ELP4: variants seen among roughly 807,000 people sequenced by gnomAD.
ELP4 encodes the protein elongator complex protein 4.
In ELP4, 51 loss-of-function variants were observed where a neutral mutation model predicts 48.9. The ratio of observed to expected loss-of-function variants is 1.04; its 90% confidence interval spans 0.83 to 1.32. The LOEUF (loss-of-function observed/expected upper bound fraction) is 1.32, where lower values mean the gene tolerates loss of function less well. Ranked by LOEUF, ELP4 falls within the 40% of genes most tolerant of loss-of-function variation. The probability of loss-of-function intolerance (pLI) is 0.00; values close to 1 mark genes in which losing one functional copy is unlikely to be tolerated. For synonymous variants in ELP4, 210 were observed against 189.2 expected, an observed-to-expected ratio of 1.11 and a Z score of -0.90; for missense variants, 519 against 514.6, an observed-to-expected ratio of 1.01 and a Z score of -0.08.
At chr11:31,680,096 A>G (rs931292175) in intron 9 of ELP4, among the ~76,000 whole-genome samples, 1 of 152,076 alleles carries the variant, frequency 6.6e-6, no homozygotes, top group African/African-American at 2.4e-5. Context: ...ACAATCATAG[A>G]GGGCAGTGGT....
chr11:31,773,838 A>AT (rs1184095971), intron 9 of ELP4, among the ~76,000 whole-genome samples: 2 of 152,192 alleles, frequency 1.3e-5, no homozygotes, highest in African/African-American at 4.8e-5. Context: ...TTCCTGATGG[A>AT]TGCTGAGCAC....
intron 5 of ELP4, among the ~76,000 whole-genome samples, chr11:31,618,121 A>G (rs1188553096): frequency 2.0e-5 from 3 of 152,122 alleles, no homozygotes; most frequent in African/African-American, 4.8e-5. Context: ...TGTTATATCC[A>G]TACAATGTAA....
chr11:31,686,497 C>T (rs1408453399), intron 9 of ELP4, among the ~76,000 whole-genome samples: 1 of 152,078 alleles, frequency 6.6e-6, no homozygotes, highest in East Asian at 1.9e-4. Flanking sequence ...ATGTGATTTC[C>T]AGCTCACAAT....
At chr11:31,734,985 A>C (rs1947275343) in intron 9 of ELP4, among the ~76,000 whole-genome samples, 1 of 152,240 alleles carries the variant, frequency 6.6e-6, no homozygotes, top group Non-Finnish European at 1.5e-5. Context: ...TAATCAAAAC[A>C]GTATAATACT....
intron 9 of ELP4, among the ~76,000 whole-genome samples, chr11:31,748,714 T>A (rs1336632285): frequency 3.3e-5 from 5 of 151,970 alleles, no homozygotes; most frequent in Non-Finnish European, 2.9e-5. Flanking sequence ...GAAACAAAAT[T>A]GTGCAGAGGC....
At chr11:31,662,646 A>T (rs1945587873) in intron 9 of ELP4, 2 of 397,740 alleles carry the variant, frequency 5.0e-6, no homozygotes, top group African/African-American at 4.1e-5. Context: ...TACTTTAAAG[A>T]AAATTTACTG....
chr11:31,632,488 A>G, intron 7 of ELP4, 83 bp downstream of exon 7: 1 of 1,117,984 alleles, frequency 8.9e-7, no homozygotes, highest in Non-Finnish European at 1.2e-6. Context: ...TTCCATGATA[A>G]CTAATGATGT....
chr11:31,770,610 C>G (rs1948121320), intron 9 of ELP4, among the ~76,000 whole-genome samples: 1 of 150,130 alleles, frequency 6.7e-6, no homozygotes, highest in South Asian at 2.1e-4. Flanking sequence ...ATACTGCTTT[C>G]AGTTTGCATA....
At chr11:31,707,109 G>T (rs867174605) in intron 9 of ELP4, 10 of 397,460 alleles carry the variant, frequency 2.5e-5, no homozygotes, top group Middle Eastern at 6.3e-4. Context: ...TAGTGGGATT[G>T]CTGGATCATA....
chr11:31,608,701 A>G (rs866147672), intron 5 of ELP4, among the ~76,000 whole-genome samples: 2 of 152,086 alleles, frequency 1.3e-5, no homozygotes, highest in African/African-American at 4.8e-5. Flanking sequence ...GTTTCGGCCT[A>G]CGATGGGAGT....
chr11:31,720,569 A>C (rs1946939837), intron 9 of ELP4, among the ~76,000 whole-genome samples: 1 of 152,178 alleles, frequency 6.6e-6, no homozygotes, highest in Non-Finnish European at 1.5e-5. Flanking sequence ...GGTAAGGCAT[A>C]GTAAAACTTT....
chr11:31,652,809 T>C (rs529734414), intron 9 of ELP4: 6 of 151,824 alleles, frequency 4.0e-5, no homozygotes, highest in African/African-American at 1.4e-4. Context: ...CACAGGCAGA[T>C]TTGTTACATG....
chr11:31,577,937 C>T (rs544070904), intron 3 of ELP4, among the ~76,000 whole-genome samples: 1 of 152,300 alleles, frequency 6.6e-6, no homozygotes, highest in African/African-American at 2.4e-5. Context: ...GTTGGAAGTT[C>T]TGGCCAGGGC....
intron 3 of ELP4, among the ~76,000 whole-genome samples, chr11:31,548,348 A>G (rs1489927603): frequency 6.6e-6 from 1 of 151,558 alleles, no homozygotes; most frequent in African/African-American, 2.4e-5. Flanking sequence ...ATAACAGACA[A>G]ACAGAGAGCC....
intron 9 of ELP4, among the ~76,000 whole-genome samples, chr11:31,741,296 C>G (rs1947442503): frequency 6.6e-6 from 1 of 152,220 alleles, no homozygotes; most frequent in South Asian, 2.1e-4. Flanking sequence ...GCCTGCCTGC[C>G]TCTGTAGGCT....
At chr11:31,726,923 G>A (rs1209195348) in intron 9 of ELP4, among the ~76,000 whole-genome samples, 2 of 152,152 alleles carry the variant, frequency 1.3e-5, no homozygotes, top group Admixed American at 6.6e-5. Flanking sequence ...CTGTTTCTGA[G>A]TAGGAAATAG....
chr11:31,643,436 T>A (rs1945140022), intron 7 of ELP4, among the ~76,000 whole-genome samples: 1 of 151,886 alleles, frequency 6.6e-6, no homozygotes, highest in African/African-American at 2.4e-5. Flanking sequence ...ATCCTCTTAC[T>A]AAAATTTTTT....
At chr11:31,638,748 C>CT (rs1161353305) in intron 7 of ELP4, among the ~76,000 whole-genome samples, 1 of 151,780 alleles carries the variant, frequency 6.6e-6, no homozygotes, top group Admixed American at 6.6e-5. Context: ...CATCCATAAA[C>CT]TTTTTTGTTC....
chr11:31,622,694 G>A (rs1944649012), intron 5 of ELP4, among the ~76,000 whole-genome samples: 1 of 151,560 alleles, frequency 6.6e-6, no homozygotes, highest in Non-Finnish European at 1.5e-5. Flanking sequence ...TAGAGATGGG[G>A]ATAGAATATT....
Sources: gnomAD v4.1 joint callset for allele counts (sites outside exome capture counted in the v4.1 genomes callset) on GRCh38, gnomAD v4.1.1 for gene constraint, MANE v1.5 for transcripts, NCBI Gene and HGNC (gene_info 2026-07-23, HGNC 2026-07-21) for gene names.